Variants in FBLN2 observed in about 807,000 individuals in gnomAD.
The protein encoded by FBLN2 is fibulin 2.
Under a neutral mutation model 123.7 loss-of-function variants are expected in FBLN2, and 81 were observed. The ratio of observed to expected loss-of-function variants is 0.65; its 90% CI spans 0.55 to 0.79. The LOEUF is 0.79. Ranked by LOEUF, FBLN2 falls within the 30% of genes least tolerant of loss-of-function variation. FBLN2 has a pLI of 0.00. For synonymous variants in FBLN2, 699 were observed against 701.4 expected (o/e 1.00, Z 0.05); for missense variants, 1,603 against 1,681.3 (o/e 0.95, Z 0.81).
intron 2 of FBLN2, among the ~76,000 whole-genome samples, chr3:13,584,325 T>A (rs1404701288): frequency 6.6e-6 from 1 of 152,194 alleles, no homozygotes; most frequent in Non-Finnish European, 1.5e-5. Context: ...AGAGGTCCAG[T>A]GCTGGGTGAG....
At chr3:13,629,538 T>A (rs553571619) in intron 13 of FBLN2, among the ~76,000 whole-genome samples, 2 of 151,560 alleles carry the variant, frequency 1.3e-5, no homozygotes, top group South Asian at 4.2e-4. Flanking sequence ...CTTACTCTGG[T>A]CTTTCCTGCT....
intron 14 of FBLN2, among the ~76,000 whole-genome samples, chr3:13,630,338 GC>G (rs1233060979): frequency 1.3e-5 from 2 of 152,260 alleles, no homozygotes; most frequent in Non-Finnish European, 2.9e-5. Flanking sequence ...GGTGCTGTTG[GC>G]CCCAGCTCAG....
chr3:13,597,518 C>T (rs1463199219), intron 2 of FBLN2, among the ~76,000 whole-genome samples: 1 of 152,126 alleles, frequency 6.6e-6, no homozygotes, highest in Admixed American at 6.5e-5. Flanking sequence ...TGCAGTATTC[C>T]CCTGTGACCT....
intron 5 of FBLN2, 46 bp from the exon 6 acceptor site, chr3:13,618,030 A>G: frequency 1.9e-6 from 3 of 1,584,698 alleles, no homozygotes; most frequent in Non-Finnish European, 2.6e-6. Flanking sequence ...TCAGCCACCT[A>G]CTCTGACCAA....
At chr3:13,629,341 C>T (rs1386922916) in intron 13 of FBLN2, 49 bp downstream of exon 13, 1 of 1,543,950 alleles carries the variant, frequency 6.5e-7, no homozygotes, top group Non-Finnish European at 8.7e-7. Flanking sequence ...GGCTGGTCCC[C>T]TGCCCTCTGT....
intron 2 of FBLN2, among the ~76,000 whole-genome samples, chr3:13,579,321 A>C (rs1468228856): frequency 6.6e-6 from 1 of 152,244 alleles, no homozygotes; most frequent in East Asian, 1.9e-4. Flanking sequence ...ACATCATCAC[A>C]CTGTCATGTA....
In FBLN2 at chr3:13,629,299, A is replaced by G. The variant is rs1706167600; in HGVS notation, c.2842+7A>G. ...TTTGGCCGGGGCTGCATCGGTAGGTAGGCTGGTGGCCAGGACCCCTGGGGA... is the reference window on the plus strand; with the variant it reads ...TTTGGCCGGGGCTGCATCGGTAGGTGGGCTGGTGGCCAGGACCCCTGGGGA... On this transcript the variant is annotated splice_region_variant and intron_variant, in intron 13 of 17. Coordinates refer to ENST00000404922, the MANE Select transcript of FBLN2 (RefSeq NM_001004019.2). 1.2e-5 allele frequency: 20 copies of G among 1,603,676 alleles called. No individual in the cohort carries two copies. The highest frequency in any genetic ancestry group is 1.7e-5 in the Admixed American group (1 of 59,028).
chr3:13,569,417 G>T (rs550727691), intron 1 of FBLN2, among the ~76,000 whole-genome samples: 1 of 152,204 alleles, frequency 6.6e-6, no homozygotes, highest in East Asian at 1.9e-4. Context: ...GGAGTGGTGG[G>T]CAGGGAGGTG....
chr3:13,549,299 G>C, intron 1 of FBLN2, 91 bp downstream of exon 1: 1 of 859,100 alleles, frequency 1.2e-6, no homozygotes, highest in South Asian at 5.3e-5. Flanking sequence ...CGCACCGACG[G>C]CTCGGCGGAC....
intron 1 of FBLN2, chr3:13,569,191 C>A: frequency 5.9e-6 from 2 of 337,906 alleles, no homozygotes; most frequent in Non-Finnish European, 8.3e-6. Flanking sequence ...GTGGCTTGTG[C>A]AAGATGAGAG....
intron 2 of FBLN2, among the ~76,000 whole-genome samples, chr3:13,575,902 C>A (rs1248599047): frequency 6.6e-6 from 1 of 152,232 alleles, no homozygotes; most frequent in East Asian, 1.9e-4. Context: ...GCTAGCCACA[C>A]CTCTTGGACT....
chr3:13,600,156 C>T (rs570074943), intron 2 of FBLN2, among the ~76,000 whole-genome samples: 13 of 149,420 alleles, frequency 8.7e-5, no homozygotes, highest in African/African-American at 2.2e-4. Flanking sequence ...GACTGCTGGG[C>T]GGAGCCTTGG....
At chr3:13,631,935 G>A (rs1473477185) in intron 16 of FBLN2, among the ~76,000 whole-genome samples, 2 of 152,126 alleles carry the variant, frequency 1.3e-5, no homozygotes, top group African/African-American at 4.8e-5. Context: ...GTGCAGAAGG[G>A]CATTCTCCTC....
chr3:13,637,961 G>A lies in FBLN2; in HGVS notation c.*42G>A, dbSNP rs1324686790. 2 of 1,498,868 alleles carry A rather than the reference G, an allele frequency of 1.3e-6. No homozygotes were observed. The highest frequency in any genetic ancestry group is 1.3e-5 in the South Asian group (1 of 78,376). 92.8% of individuals were successfully genotyped at this position (1,498,868 alleles called of 1,614,324 possible). ...ACCTGCGGGTGTGGCGCAGCCCAGGGCTCACACTGCGTGGGAGGGACTGGG... is the reference window on the plus strand; with the variant it reads ...ACCTGCGGGTGTGGCGCAGCCCAGGACTCACACTGCGTGGGAGGGACTGGG... On this transcript the variant is annotated 3_prime_UTR_variant, in exon 18 of 18. Coordinates refer to ENST00000404922, the MANE Select transcript of FBLN2 (RefSeq NM_001004019.2).
chr3:13,564,709 AC>A (rs138213966), intron 1 of FBLN2, among the ~76,000 whole-genome samples: 2 of 151,640 alleles, frequency 1.3e-5, no homozygotes, highest in African/African-American at 2.4e-5. Context: ...CTAAGGTGGG[AC>A]CCCCCCACCT....
intron 2 of FBLN2, among the ~76,000 whole-genome samples, chr3:13,599,956 G>C (rs950591591): frequency 3.3e-5 from 5 of 151,396 alleles, no homozygotes; most frequent in African/African-American, 1.2e-4. Flanking sequence ...TGTTGGAGAA[G>C]AGAAGAAGCC....
chr3:13,631,940 C>G (rs966073901), intron 16 of FBLN2, among the ~76,000 whole-genome samples: 3 of 152,136 alleles, frequency 2.0e-5, no homozygotes, highest in Non-Finnish European at 4.4e-5. Flanking sequence ...GAAGGGCATT[C>G]TCCTCATCAG....
intron 1 of FBLN2, among the ~76,000 whole-genome samples, chr3:13,556,392 T>C (rs1215640721): frequency 6.6e-6 from 1 of 152,088 alleles, no homozygotes; most frequent in African/African-American, 2.4e-5. Flanking sequence ...TAGTGAGCTC[T>C]GGTCTTTCTT....
chr3:13,629,092 C>T (rs769940476), intron 12 of FBLN2, 44 bp downstream of exon 12: 64 of 1,612,662 alleles, frequency 4.0e-5, no homozygotes, highest in Admixed American at 8.3e-5. Context: ...CCGGCCTGCC[C>T]GCTTCCCCAC....
Sources: allele counts gnomAD v4.1 joint callset (sites outside exome capture counted in the v4.1 genomes callset), GRCh38; gene constraint gnomAD v4.1.1; transcripts MANE v1.5; gene names NCBI Gene and HGNC (gene_info 2026-07-23, HGNC 2026-07-21).